Variants in STK16 observed in about 807,000 individuals in gnomAD.
The protein encoded by STK16 is serine/threonine-protein kinase 16.
A neutral mutation model predicts 37.8 loss-of-function variants in STK16; 28 were observed. The ratio of observed to expected loss-of-function variants is 0.74; its 90% CI spans 0.55 to 1.02. STK16 has a LOEUF of 1.02. Among genes scored for constraint, STK16 ranks in the 50% least tolerant of loss-of-function variants. The pLI, the probability that STK16 is intolerant of heterozygous loss-of-function variation, is 0.00. For missense variants in STK16, 349 were observed against 390.6 expected (o/e 0.89, Z 0.90); for synonymous variants, 134 against 155.0 (o/e 0.86, Z 1.01).
At position 219,246,761 on chromosome 2, in the gene STK16, G is replaced by A. The variant is rs35916728; in HGVS notation, c.191G>A (p.Arg64Gln). 130 of 1,614,242 alleles carry A rather than the reference G, an allele frequency of 8.1e-5. No homozygotes were observed. Among genetic ancestry groups the A allele is most frequent in the South Asian group, 2.1e-4 (19 of 91,090 alleles). The stretch of plus-strand genomic sequence containing the variant: ...CAGCAGGACCGGGAGGAGGCCCAGC[G>A]AGAAGCCGACATGCATCGCCTCTTC... Reference protein sequence around the residue: ...HEQQDREEAQREADMHRLFNH... With the variant: ...HEQQDREEAQQEADMHRLFNH... The change falls in exon 3 of 8, where the codon CGA becomes CAA. Residue 64 changes from arginine (R) to glutamine (Q), a missense_variant. Transcript: ENST00000396738. The surrounding 1 kb of genome is among the most constrained non-coding windows in gnomAD (Gnocchi z 4.5).
In STK16 at chr2:219,247,211, C is replaced by G; in HGVS notation, c.405C>G (p.Gly135=). The change falls in exon 4 of 8, where the codon GGC becomes GGG. Residue 135 remains glycine (G), a synonymous_variant. Coordinates refer to ENST00000396738, the MANE Select transcript of STK16 (RefSeq NM_001330213.2). The part of the protein sequence containing the change: ...ILWLLLGICR[G]LEAIHAKGYA... ...GGCTGCTGCTGGGGATCTGCAGAGG[C>G]CTTGAGGCCATTCATGCCAAGGGTT... The G allele has an allele frequency of 1.2e-6, 2 of 1,614,224 alleles. No homozygotes were observed. The highest frequency in any genetic ancestry group is 2.2e-5 in the South Asian group (2 of 91,086).
Position 219,247,097 on chromosome 2 carries a change from G to A in STK16, c.307-16G>A, listed in dbSNP as rs759651533. The A allele has an allele frequency of 1.9e-6, 3 of 1,614,170 alleles. No individual in the cohort carries two copies. Among genetic ancestry groups the A allele is most frequent in the East Asian group, 2.2e-5 (1 of 44,890 alleles). Reference sequence around the variant, plus strand: ...CTCCAAAAACATCTCCAACTGTAGGGAAACTTGTGTTGCAGAGAGGTACGC... The same window carrying A: ...CTCCAAAAACATCTCCAACTGTAGGAAAACTTGTGTTGCAGAGAGGTACGC... On this transcript the variant is annotated splice_polypyrimidine_tract_variant and intron_variant, in intron 3 of 7. Coordinates refer to ENST00000396738, the MANE Select transcript of STK16 (RefSeq NM_001330213.2).
At position 219,247,144 on chromosome 2, in the gene STK16, T is replaced by A. The variant is rs551273233; in HGVS notation, c.338T>A (p.Leu113Gln). The change falls in exon 4 of 8, where the codon CTG becomes CAG. Residue 113 changes from leucine (L) to glutamine (Q), a missense_variant. Transcript: ENST00000396738. Reference protein sequence around the residue: ...RGTLWNEIERLKDKGNFLTED... With the variant: ...RGTLWNEIERQKDKGNFLTED... ...ACGCTGTGGAATGAGATAGAAAGGC[T>A]GAAGGACAAAGGCAACTTCCTGACC... 3 of 1,614,198 alleles carry A rather than the reference T, an allele frequency of 1.9e-6. No homozygotes were observed. The African/African-American group carries it at 4.0e-5, about 22-fold the overall frequency.
chr2:219,248,164 C>T, intron 6 of STK16, 29 bp from the exon 7 acceptor site: 2 of 1,613,426 alleles, frequency 1.2e-6, no homozygotes, highest in Non-Finnish European at 1.7e-6. Flanking sequence ...CACTGGTCCC[C>T]TTCTAGGGAC....
Position 219,247,239 on chromosome 2 carries a change from G to A in STK16, c.433G>A (p.Ala145Thr). 3.1e-6 allele frequency: 5 copies of A among 1,614,204 alleles called. No homozygotes were observed. In the South Asian group the frequency reaches 5.5e-5, roughly 18 times the overall value. The change falls in exon 4 of 8, where the codon GCC becomes ACC. Residue 145 changes from alanine (A) to threonine (T), a missense_variant. Physicochemically the swap from Ala to Thr is moderately conservative, Grantham distance 58. Transcript: ENST00000396738. ...TGAGGCCATTCATGCCAAGGGTTAT[G>A]CCCACAGGTCAGTGGGAGGACCCTG... ...GLEAIHAKGY[A>T]HRDLKPTNIL...
chr2:219,247,637 T>C (rs779135499), intron 5 of STK16, 25 bp from the exon 6 acceptor site: 3 of 1,613,202 alleles, frequency 1.9e-6, no homozygotes, highest in Admixed American at 1.7e-5. Context: ...TGCCCCACTT[T>C]TGAGCTCTGG....
chr2:219,247,506 GA>G lies in STK16; in HGVS notation c.533del (p.Glu178GlyfsTer7). 6.2e-7 allele frequency: 1 copy of G among 1,614,226 alleles called. No homozygotes were observed. Among genetic ancestry groups the G allele is most frequent in the Non-Finnish European group, 8.5e-7 (1 of 1,180,044 alleles). ...CATGAATCAAGCATGCATCCATGTG[GA>G]GGGCTCCCGCCAGGCTCTGACCCTG... is the stretch of plus-strand genomic sequence containing the variant. ...GSMNQACIHV[E>X]GSRQALTLQD... On this transcript the variant is annotated frameshift_variant, in exon 5 of 8. Coordinates refer to ENST00000396738, the MANE Select transcript of STK16 (RefSeq NM_001330213.2). LOFTEE classifies it high-confidence loss of function.
chr2:219,245,763 G>A lies in STK16; in HGVS notation c.-138G>A, dbSNP rs941998815. 6 of 322,220 alleles carry A rather than the reference G, an allele frequency of 1.9e-5. No homozygotes were observed. Among genetic ancestry groups the A allele is most frequent in the African/African-American group, 1.3e-4 (6 of 46,052 alleles). The allele number at this position is 322,220 out of a possible 1,614,324, so 20.0% of individuals were successfully genotyped here. ...GCCTGACCCCACCCCTGAAGCTGGC[G>A]ACGGAGCAGGGCCTGTTTTCTCTAC... On this transcript the variant is annotated 5_prime_UTR_variant, in exon 1 of 8. Transcript: ENST00000396738.
At position 219,247,800 on chromosome 2, in the gene STK16, G is replaced by A. The variant is rs1411319765; in HGVS notation, c.657+43G>A. The A allele has an allele frequency of 2.0e-6, 3 of 1,535,638 alleles. No homozygotes were observed. In the East Asian group the frequency reaches 7.3e-5, roughly 38 times the overall value. On this transcript the variant is annotated intron_variant, in intron 6 of 7. Transcript: ENST00000396738. Reference sequence around the variant, plus strand: ...GGGTATCTGGGTAGGGAGGGCTGTGGCTCTGTACCCACCGTGGAGTAGAGT... The same window carrying A: ...GGGTATCTGGGTAGGGAGGGCTGTGACTCTGTACCCACCGTGGAGTAGAGT...
Position 219,246,726 on chromosome 2 carries a change from G to A in STK16, c.156G>A (p.Leu52=). The part of the protein sequence containing the change: ...DGHFYALKRI[L]CHEQQDREEA... ...ACTTCTACGCCCTGAAGCGAATCCTGTGTCACGAGCAGCAGGACCGGGAGG... is the reference window on the plus strand; with the variant it reads ...ACTTCTACGCCCTGAAGCGAATCCTATGTCACGAGCAGCAGGACCGGGAGG... The change falls in exon 3 of 8, where the codon CTG becomes CTA. Residue 52 remains leucine (L), a synonymous_variant. Transcript: ENST00000396738. The surrounding 1 kb of genome is among the most constrained non-coding windows in gnomAD (Gnocchi z 4.5). 1 of 1,614,246 alleles carries A rather than the reference G, an allele frequency of 6.2e-7. No homozygotes were observed. Among genetic ancestry groups the A allele is most frequent in the Non-Finnish European group, 8.5e-7 (1 of 1,180,046 alleles).
chr2:219,247,620 T>C, intron 5 of STK16, 42 bp from the exon 6 acceptor site: 1 of 1,613,906 alleles, frequency 6.2e-7, no homozygotes, highest in Non-Finnish European at 8.5e-7. Flanking sequence ...CACATGACCA[T>C]GACCTGTGCC....
At position 219,248,506 on chromosome 2, in the gene STK16, C is replaced by T; in HGVS notation, c.865C>T (p.Gln289Ter). 6.2e-7 allele frequency: 1 copy of T among 1,614,040 alleles called. No individual in the cohort carries two copies. The highest frequency in any genetic ancestry group is 1.1e-5 in the South Asian group (1 of 91,070). ...QRPHIPLLLSQLEALQPPAPG... is the reference protein window; with the variant it reads ...QRPHIPLLLS ...TCCTCACATTCCTCTCCTCCTCAGT[C>T]AGCTGGAGGCGCTTCAGCCCCCAGC... The change falls in exon 8 of 8, where the codon CAG (glutamine) becomes TAG (stop). Residue 289 changes from glutamine to a stop codon, truncating the protein, a stop_gained. Coordinates refer to ENST00000396738, the MANE Select transcript of STK16 (RefSeq NM_001330213.2). LOFTEE classifies it high-confidence loss of function.
rs764467087 is a variant in STK16 at position 219,246,128 on chromosome 2, T to C, written c.86+43T>C. 1.4e-5 allele frequency: 22 copies of C among 1,556,798 alleles called. No homozygotes were observed. In the East Asian group the frequency reaches 3.6e-4, roughly 25 times the overall value. ...AGTTAACTAGTCCTCAAGTTTATGA[T>C]CATTGAAGGACAGCGGTGTGCATAT... On this transcript the variant is annotated intron_variant, in intron 2 of 7. Transcript: ENST00000396738. This position sits in a 1 kb window ranked among gnomAD's most constrained non-coding sequence, Gnocchi z 4.5.
chr2:219,250,097 T>C lies in STK16; in HGVS notation c.*1538T>C, dbSNP rs74429631. On this transcript the variant is annotated 3_prime_UTR_variant, in exon 8 of 8. Coordinates refer to ENST00000396738, the MANE Select transcript of STK16 (RefSeq NM_001330213.2). This position sits in a 1 kb window ranked among gnomAD's most constrained non-coding sequence, Gnocchi z 8.4. ...GATTTTGGTCCTCATTTCCTCCCTA[T>C]ACTGAGTAACCCTAGGACTTCAATT... 1.5e-3 allele frequency: 779 copies of C among 527,154 alleles called. 2 individuals carry two copies. Among genetic ancestry groups the C allele is most frequent in the Non-Finnish European group, 2.4e-3 (714 of 297,554 alleles). The allele number at this position is 527,154 out of a possible 1,614,324, so 32.7% of individuals were successfully genotyped here. A position where few individuals can be genotyped will look rare whatever the true frequency, so the allele number is the denominator to read the frequency against.
At position 219,249,356 on chromosome 2, in the gene STK16, C is replaced by T. The variant is rs1279316032; in HGVS notation, c.*797C>T. On this transcript the variant is annotated 3_prime_UTR_variant, in exon 8 of 8. Coordinates refer to ENST00000396738, the MANE Select transcript of STK16 (RefSeq NM_001330213.2). ...GCCTGTGTCTCCCTGATCGTTCAAG[C>T]TCATACATGGTTAATGATTAATGAG... is the stretch of plus-strand genomic sequence containing the variant. 2 of 152,280 alleles carry T rather than the reference C, an allele frequency of 1.3e-5. No homozygotes were observed. The highest frequency in any genetic ancestry group is 6.5e-5 in the Admixed American group (1 of 15,292). 9.4% of individuals were successfully genotyped at this position (152,280 alleles called of 1,614,324 possible). A position where few individuals can be genotyped will look rare whatever the true frequency, so the allele number is the denominator to read the frequency against.
rs762515094 is a variant in STK16, at chr2:219,246,036, GTCA to G, written c.42_44del (p.Ile15del). 9 of 1,614,066 alleles carry G rather than the reference GTCA, an allele frequency of 5.6e-6. No homozygotes were observed. The highest frequency in any genetic ancestry group is 4.2e-6 in the Non-Finnish European group (5 of 1,179,994). ...GCTGTGTGTCTGCTCTCGGGGAACT[GTCA>G]TCATTGACAATAAGCGCTACCTCTT... On this transcript the variant is annotated inframe_deletion, in exon 2 of 8. Transcript: ENST00000396738. This position sits in a 1 kb window ranked among gnomAD's most constrained non-coding sequence, Gnocchi z 4.5.
chr2:219,247,011 G>A (rs1488752274), intron 3 of STK16, 102 bp from the exon 4 acceptor site: 13 of 1,561,210 alleles, frequency 8.3e-6, no homozygotes, highest in Non-Finnish European at 1.0e-5. Flanking sequence ...TTTGAGGTGT[G>A]TATCATGAAA....
Position 219,245,892 on chromosome 2 carries a change from C to A in STK16, c.-104-4C>A. On this transcript the variant is annotated splice_region_variant and splice_polypyrimidine_tract_variant and intron_variant, in intron 1 of 7. Coordinates refer to ENST00000396738, the MANE Select transcript of STK16 (RefSeq NM_001330213.2). Reference sequence around the variant, plus strand: ...CTGTGACCCTGCCGTTGTTTTCTTTCCAGCATGATCCGCTGGGCCCCCAGC... The same window carrying A: ...CTGTGACCCTGCCGTTGTTTTCTTTACAGCATGATCCGCTGGGCCCCCAGC... The A allele has an allele frequency of 1.3e-4, 106 of 806,176 alleles. No individual in the cohort carries two copies. The highest frequency in any genetic ancestry group is 7.5e-4 in the Middle Eastern group (2 of 2,654). The allele number at this position is 806,176 out of a possible 1,614,324, so 49.9% of individuals were successfully genotyped here.
Position 219,245,897 on chromosome 2 carries a change from A to G in STK16, c.-103A>G, listed in dbSNP as rs1951518062. The G allele has an allele frequency of 7.9e-6, 7 of 881,204 alleles. No individual in the cohort carries two copies. Among genetic ancestry groups the G allele is most frequent in the East Asian group, 5.1e-5 (2 of 39,238 alleles). The allele number at this position is 881,204 out of a possible 1,614,324, so 54.6% of individuals were successfully genotyped here. A position where few individuals can be genotyped will look rare whatever the true frequency, so the allele number is the denominator to read the frequency against. ...ACCCTGCCGTTGTTTTCTTTCCAGC[A>G]TGATCCGCTGGGCCCCCAGCGCATC... On this transcript the variant is annotated splice_region_variant and 5_prime_UTR_variant, in exon 2 of 8. The change abolishes an upstream ATG in the 5' untranslated region. Transcript: ENST00000396738.
Sources: gnomAD v4.1 joint callset for allele counts on GRCh38, gnomAD v4.1.1 for gene constraint, Gnocchi (gnomAD v3.1) non-coding constraint, MANE v1.5 for transcripts, NCBI Gene and HGNC (gene_info 2026-07-23, HGNC 2026-07-21) for gene names.